Variants in USP42 observed in about 807,000 individuals in gnomAD.
USP42 encodes ubiquitin carboxyl-terminal hydrolase 42.
USP42 carries 23 observed loss-of-function variants against 113.0 expected under a neutral mutation model. That is an observed-to-expected ratio of 0.20 (90% confidence interval 0.15 to 0.29). USP42 has a LOEUF of 0.29. Ranked by LOEUF, USP42 falls within the 10% of genes least tolerant of loss-of-function variation. The pLI is 1.00. For missense variants in USP42, 2,174 were observed against 1,779.8 expected (o/e 1.22, Z -3.99); for synonymous variants, 933 against 699.0 (o/e 1.33, Z -5.28).
At chr7:6,108,528 T>C (rs1269748930) in intron 1 of USP42, among the ~76,000 whole-genome samples, 2 of 152,218 alleles carry the variant, frequency 1.3e-5, no homozygotes, top group African/African-American at 4.8e-5. Context: ...GTCGCCAGGC[T>C]GGAGTGCAGT....
chr7:6,091,587 A>G, the USP42 span, among the ~76,000 whole-genome samples: 3 of 150,206 alleles, frequency 2.0e-5, no homozygotes, highest in Non-Finnish European at 4.4e-5. Context: ...TATTGATTAT[A>G]TTGATTCTCA....
chr7:6,154,404 A>C lies in USP42; in HGVS notation c.2850A>C (p.Arg950=), dbSNP rs1253440677. 6.3e-7 allele frequency: 1 copy of C among 1,577,294 alleles called. No individual in the cohort carries two copies. Among genetic ancestry groups the C allele is most frequent in the Non-Finnish European group, 8.6e-7 (1 of 1,163,264 alleles). The change falls in exon 15 of 18, where the codon CGA becomes CGC. Residue 950 remains arginine (R), a synonymous_variant. Transcript: ENST00000306177. ...EKIGSLRKVD[R]GHYRSRRERS... ...TCGGCAGCCTCAGAAAGGTGGACCG[A>C]GGCCACTACCGCAGCCGGAGAGAGC...
intron 3 of USP42, among the ~76,000 whole-genome samples, chr7:6,117,899 A>T (rs1186627796): frequency 6.6e-6 from 1 of 152,056 alleles, no homozygotes; most frequent in Non-Finnish European, 1.5e-5. Flanking sequence ...ATGCCTGTTG[A>T]AATCTTTTGC....
chr7:6,132,606 G>A (rs1212799345), intron 3 of USP42, among the ~76,000 whole-genome samples: 9 of 151,912 alleles, frequency 5.9e-5, no homozygotes, highest in African/African-American at 1.7e-4. Flanking sequence ...TGATCTACCC[G>A]CCTCAGCCTC....
At chr7:6,142,353 A>T (rs1781478536) in intron 7 of USP42, among the ~76,000 whole-genome samples, 1 of 151,552 alleles carries the variant, frequency 6.6e-6, no homozygotes, top group African/African-American at 2.4e-5. Context: ...AGTAGCTGGG[A>T]CTACAGGCGC....
chr7:6,131,617 G>A (rs184498417), intron 3 of USP42, among the ~76,000 whole-genome samples: 2 of 152,160 alleles, frequency 1.3e-5, no homozygotes, highest in Non-Finnish European at 2.9e-5. Flanking sequence ...GAGTGGGAGC[G>A]GGATTTTGCT....
upstream of USP42, among the ~76,000 whole-genome samples, chr7:6,100,879 G>A (rs149712681): frequency 3.6e-4 from 54 of 150,672 alleles, 6 homozygotes; most frequent in African/African-American, 1.2e-3. Flanking sequence ...TGTTGGTCAC[G>A]CTGGTCTTGA....
At chr7:6,132,619 A>G (rs1780912271) in intron 3 of USP42, among the ~76,000 whole-genome samples, 1 of 152,020 alleles carries the variant, frequency 6.6e-6, no homozygotes, top group Non-Finnish European at 1.5e-5. Context: ...TCAGCCTCAC[A>G]GAATGCTGGG....
intron 2 of USP42, 90 bp downstream of exon 2, chr7:6,111,464 C>A: frequency 6.7e-7 from 1 of 1,500,118 alleles, no homozygotes; most frequent in Non-Finnish European, 8.9e-7. Context: ...GCTTATTTTG[C>A]AAGGCGTGAG....
intron 3 of USP42, among the ~76,000 whole-genome samples, chr7:6,134,656 C>A (rs1407070048): frequency 6.6e-6 from 1 of 152,126 alleles, no homozygotes; most frequent in Non-Finnish European, 1.5e-5. Context: ...GATGCTGCAG[C>A]ATCACTTAGC....
At chr7:6,095,533 G>A in the USP42 span, among the ~76,000 whole-genome samples, 1 of 151,048 alleles carries the variant, frequency 6.6e-6, no homozygotes, top group African/African-American at 2.5e-5. Context: ...GCTGGGCGTG[G>A]TGGCAGGCAC....
chr7:6,140,237 T>A, intron 6 of USP42, 42 bp downstream of exon 6: 1 of 1,565,110 alleles, frequency 6.4e-7, no homozygotes. Context: ...TACACACATG[T>A]GGTTAAAAAA....
At chr7:6,160,531 A>C (rs560880058) in intron 17 of USP42, 24 bp from the exon 18 acceptor site, 2 of 152,816 alleles carry the variant, frequency 1.3e-5, no homozygotes, top group South Asian at 4.1e-4. Context: ...CCAACTCACT[A>C]ACCCTGCGCC....
rs367642950 is a variant in USP42, at chr7:6,115,477, A to G, written c.396A>G (p.Thr132=). ...CAGCACTGCAGTGTTTAACCTACAC[A>G]CCACCTCTTGCCAATTACATGCTAT... ...ANAALQCLTY[T]PPLANYMLSH... Residue 132 remains threonine, a synonymous_variant, in exon 3 of 18, where the codon ACA becomes ACG. Transcript: ENST00000306177. The G allele has an allele frequency of 1.9e-6, 3 of 1,613,946 alleles. No individual in the cohort carries two copies. Among genetic ancestry groups the G allele is most frequent in the Non-Finnish European group, 2.5e-6 (3 of 1,179,906 alleles).
intron 10 of USP42, among the ~76,000 whole-genome samples, chr7:6,145,945 C>G (rs907647348): frequency 6.6e-6 from 1 of 152,040 alleles, no homozygotes; most frequent in Non-Finnish European, 1.5e-5. Flanking sequence ...TGGCACCTGC[C>G]AGTAATCCCA....
chr7:6,093,826 A>G, the USP42 span, among the ~76,000 whole-genome samples: 4 of 150,884 alleles, frequency 2.7e-5, no homozygotes, highest in Non-Finnish European at 5.9e-5. Flanking sequence ...TGTAAAATCT[A>G]TAAGAGTTAA....
chr7:6,156,611 G>A, intron 15 of USP42, 143 bp from the exon 16 acceptor site: 3 of 1,298,812 alleles, frequency 2.3e-6, no homozygotes, highest in Non-Finnish European at 1.0e-6. Flanking sequence ...CACCATACCT[G>A]GCCTACGTGG....
intron 2 of USP42, 82 bp from the exon 3 acceptor site, chr7:6,115,241 T>A: frequency 7.3e-7 from 1 of 1,367,080 alleles, no homozygotes; most frequent in South Asian, 1.2e-5. Flanking sequence ...TTGTAAAGAT[T>A]GAGGTTTGAC....
intron 3 of USP42, chr7:6,116,649 C>A: frequency 2.4e-6 from 1 of 417,196 alleles, no homozygotes; most frequent in Non-Finnish European, 4.6e-6. Context: ...CTCCAAAGAG[C>A]CAAGTAATGC....
Sources: allele counts gnomAD v4.1 joint callset (sites outside exome capture counted in the v4.1 genomes callset), GRCh38; gene constraint gnomAD v4.1.1; transcripts MANE v1.5; gene names NCBI Gene and HGNC (gene_info 2026-07-23, HGNC 2026-07-21).